The following EYA3 variants were observed in gnomAD, a reference collection of about 807,000 sequenced individuals.
EYA3 encodes EYA transcriptional coactivator and phosphatase 3, also known as protein phosphatase EYA3.
Under a neutral mutation model 80.0 loss-of-function variants are expected in EYA3, and 39 were observed. The observed-to-expected ratio is 0.49, with a 90% CI of 0.38 to 0.64. EYA3 has a LOEUF of 0.64. EYA3 is among the 30% of genes least tolerant of loss of function. The pLI is 0.00. For missense variants in EYA3, 523 were observed against 676.1 expected, an observed-to-expected ratio of 0.77 and a Z score of 2.51; for synonymous variants, 206 against 232.8, an observed-to-expected ratio of 0.88 and a Z score of 1.05.
intron 1 of EYA3, among the ~76,000 whole-genome samples, chr1:28,067,440 T>C (rs528749250): frequency 1.3e-5 from 2 of 152,168 alleles, no homozygotes; most frequent in African/African-American, 2.4e-5. Context: ...TATAGTAAAA[T>C]GTTTAAATAC....
At chr1:27,982,707 C>T (rs1023660595) in intron 16 of EYA3, among the ~76,000 whole-genome samples, 10 of 151,772 alleles carry the variant, frequency 6.6e-5, no homozygotes, top group Admixed American at 6.6e-4. Context: ...ATTCTCAGGC[C>T]CCCGAGGAGC....
chr1:28,042,609 G>C lies in EYA3; in HGVS notation c.119C>G (p.Thr40Arg). 6.2e-7 allele frequency: 1 copy of C among 1,614,154 alleles called. No individual in the cohort carries two copies. Residue 40 changes from threonine (T) to arginine (R), a missense_variant, in exon 4 of 18, where the codon ACA becomes AGA. Thr to Arg is a moderately conservative substitution (Grantham distance 71, BLOSUM62 -1). Coordinates refer to ENST00000373871, the MANE Select transcript of EYA3 (RefSeq NM_001990.4). Reference sequence around the variant, plus strand: ...GGGAAGGTTTGAAGCAAGGCTTGATGTTTCAGGCTTCTGATCACTGACATC... The same window carrying C: ...GGGAAGGTTTGAAGCAAGGCTTGATCTTTCAGGCTTCTGATCACTGACATC... ...NPDVSDQKPE[T>R]SSLASNLPMS...
intron 10 of EYA3, among the ~76,000 whole-genome samples, chr1:28,007,352 T>TC (rs1266727750): frequency 2.7e-5 from 4 of 150,786 alleles, no homozygotes; most frequent in African/African-American, 7.3e-5. Context: ...TTTTTTTTTT[T>TC]CCGAGACAGT....
At chr1:28,039,412 G>C (rs1204670139) in intron 4 of EYA3, among the ~76,000 whole-genome samples, 2 of 152,202 alleles carry the variant, frequency 1.3e-5, no homozygotes, top group Non-Finnish European at 2.9e-5. Flanking sequence ...CAGAATAGAT[G>C]CAAGTATGCT....
chr1:28,076,526 C>T (rs553231156), intron 1 of EYA3, among the ~76,000 whole-genome samples: 2 of 151,902 alleles, frequency 1.3e-5, no homozygotes, highest in South Asian at 4.2e-4. Context: ...GCCTGGCCCA[C>T]ATGGTAAAAC....
At chr1:28,029,593 C>CTTT (rs1226877063) in intron 6 of EYA3, among the ~76,000 whole-genome samples, 1 of 136,042 alleles carries the variant, frequency 7.4e-6, no homozygotes. Flanking sequence ...AAAGAAAATC[C>CTTT]TTTTTTTTTT....
chr1:28,020,506 G>C (rs1642356356), intron 7 of EYA3, among the ~76,000 whole-genome samples: 1 of 152,142 alleles, frequency 6.6e-6, no homozygotes, highest in East Asian at 1.9e-4. Flanking sequence ...TTAAATTCTA[G>C]TGAGGGAAGT....
chr1:28,037,550 C>CT (rs905484854), intron 5 of EYA3, among the ~76,000 whole-genome samples: 4 of 151,374 alleles, frequency 2.6e-5, no homozygotes, highest in African/African-American at 4.9e-5. Flanking sequence ...CCATAATGTC[C>CT]TTTTTCATGC....
chr1:28,075,333 T>C (rs1025635854), intron 1 of EYA3, among the ~76,000 whole-genome samples: 4 of 152,236 alleles, frequency 2.6e-5, no homozygotes, highest in African/African-American at 4.8e-5. Flanking sequence ...AACTATTCAC[T>C]GTCACTCAAG....
chr1:28,057,472 A>C (rs926271512), intron 2 of EYA3, among the ~76,000 whole-genome samples: 3 of 152,116 alleles, frequency 2.0e-5, no homozygotes, highest in African/African-American at 7.2e-5. Context: ...AGGGCCAAAA[A>C]CCAAAAAGAA....
At chr1:27,992,182 T>C (rs1438011299) in intron 14 of EYA3, among the ~76,000 whole-genome samples, 2 of 152,180 alleles carry the variant, frequency 1.3e-5, no homozygotes. Context: ...GCTCTTGACC[T>C]TGAGTAAAAT....
chr1:28,028,215 G>C (rs1398633141), intron 6 of EYA3, among the ~76,000 whole-genome samples: 2 of 152,118 alleles, frequency 1.3e-5, no homozygotes, highest in African/African-American at 4.8e-5. Flanking sequence ...CAGAAAAAAA[G>C]AGTTATTGAC....
chr1:28,011,705 A>G (rs540923817), intron 9 of EYA3, among the ~76,000 whole-genome samples: 1 of 152,214 alleles, frequency 6.6e-6, no homozygotes, highest in Non-Finnish European at 1.5e-5. Flanking sequence ...TTTCTTCAAC[A>G]AACAAACTAC....
intron 11 of EYA3, among the ~76,000 whole-genome samples, chr1:28,003,270 AAACAACAACAACAACAACAACAAC>A (rs139958121): frequency 4.8e-5 from 7 of 145,818 alleles, no homozygotes; most frequent in African/African-American, 1.8e-4. Flanking sequence ...ACTCCGTCTC[AAACAACAACAACAACAACAACAAC>A]AACAACAACA....
chr1:27,975,010 G>C (rs1638866000), intron 17 of EYA3, among the ~76,000 whole-genome samples: 1 of 152,122 alleles, frequency 6.6e-6, no homozygotes, highest in Non-Finnish European at 1.5e-5. Flanking sequence ...TTTGATATAA[G>C]ATTATACTGT....
intron 6 of EYA3, among the ~76,000 whole-genome samples, 162 bp downstream of exon 6, chr1:28,035,382 A>G (rs974775348): frequency 3.3e-5 from 5 of 152,188 alleles, no homozygotes; most frequent in Admixed American, 2.6e-4. Flanking sequence ...GTACTGAAAA[A>G]CTATGATTTT....
intron 14 of EYA3, 72 bp from the exon 15 acceptor site, chr1:27,989,883 A>G: frequency 1.2e-6 from 1 of 822,948 alleles, no homozygotes. Context: ...AGCAACTTCT[A>G]AATTCAATTT....
At chr1:28,056,058 A>G (rs1571912195) in intron 2 of EYA3, among the ~76,000 whole-genome samples, 1 of 152,026 alleles carries the variant, frequency 6.6e-6, no homozygotes, top group South Asian at 2.1e-4. Flanking sequence ...ATTAATAAGT[A>G]TTGTGTTTTC....
In EYA3 at chr1:28,009,639, A is replaced by AAACAACAACAAC. The variant is rs374689783; in HGVS notation, c.909+1296_909+1307dup. 0.013 allele frequency among the ~76,000 whole-genome samples: 1,370 copies of AAACAACAACAAC among 108,220 alleles called. 12 individuals carry two copies. The highest frequency in any genetic ancestry group is 0.018 in the African/African-American group (586 of 32,150). The allele number at this position is 108,220 out of a possible 152,430, so 71.0% of individuals were successfully genotyped here. On this transcript the variant is annotated intron_variant, in intron 10 of 17. Transcript: ENST00000373871. This position sits in a 1 kb window ranked among gnomAD's most constrained non-coding sequence, Gnocchi z 4.8. ...CACTCCAGCCTGAGACTCCATCTCA[A>AAACAACAACAAC]AACAACAACAACAACAACAACAACA...
Sources: allele counts gnomAD v4.1 joint callset (sites outside exome capture counted in the v4.1 genomes callset), GRCh38; gene constraint gnomAD v4.1.1; non-coding constraint Gnocchi (gnomAD v3.1); transcripts MANE v1.5; gene names NCBI Gene and HGNC (gene_info 2026-07-23, HGNC 2026-07-21).